The following CDH18 variants were observed in gnomAD, a reference collection of about 807,000 sequenced individuals.
CDH18 encodes cadherin-18.
In CDH18, 31 loss-of-function variants were observed where a neutral mutation model predicts 67.9. The observed-to-expected ratio is 0.46, with a 90% CI of 0.34 to 0.62. The LOEUF is 0.62. Among genes scored for constraint, CDH18 ranks in the 20% least tolerant of loss-of-function variants. CDH18 has a pLI of 0.01. For missense variants in CDH18, 890 were observed against 975.5 expected, an observed-to-expected ratio of 0.91 and a Z score of 1.17; for synonymous variants, 362 against 347.2, an observed-to-expected ratio of 1.04 and a Z score of -0.48.
chr5:19,976,639 G>T (rs567520737), intron 2 of CDH18, among the ~76,000 whole-genome samples: 2 of 152,204 alleles, frequency 1.3e-5, no homozygotes, highest in East Asian at 1.9e-4. Flanking sequence ...GGAGGGGATT[G>T]GGAGGATTAG....
intron 7 of CDH18, among the ~76,000 whole-genome samples, chr5:19,589,508 C>T (rs929379192): frequency 1.3e-5 from 2 of 152,052 alleles, no homozygotes; most frequent in Admixed American, 6.6e-5. Flanking sequence ...TATCCACATC[C>T]TCATCCATTA....
At chr5:19,683,342 C>T (rs938283945) in intron 5 of CDH18, among the ~76,000 whole-genome samples, 1 of 152,036 alleles carries the variant, frequency 6.6e-6, no homozygotes, top group East Asian at 1.9e-4. Context: ...GTTTCTTAGA[C>T]AGTTGATTAC....
chr5:19,927,156 T>C (rs1290176950), intron 2 of CDH18, among the ~76,000 whole-genome samples: 1 of 152,144 alleles, frequency 6.6e-6, no homozygotes, highest in African/African-American at 2.4e-5. Flanking sequence ...ATATAGTCAA[T>C]AACTTTGAAG....
intron 3 of CDH18, among the ~76,000 whole-genome samples, chr5:19,753,852 C>G (rs1010337982): frequency 1.3e-5 from 2 of 152,008 alleles, no homozygotes; most frequent in Admixed American, 6.6e-5. Flanking sequence ...CAACTATCAG[C>G]CAAGAATTTT....
rs1430658111 is a variant in CDH18, at chr5:19,471,722, T to C, written c.*1504A>G. ...ACCCAAATTCTCAGAAATTAGCTTA[T>C]GAAAATATTAAAATAATTGGAATTG... On this transcript the variant is annotated 3_prime_UTR_variant, in exon 13 of 13. Transcript: ENST00000382275. 6.6e-6 allele frequency among the ~76,000 whole-genome samples: 1 copy of C among 152,134 alleles called. No individual in the cohort carries two copies. Among genetic ancestry groups the C allele is most frequent in the Admixed American group, 6.6e-5 (1 of 15,254 alleles).
intron 3 of CDH18, among the ~76,000 whole-genome samples, chr5:19,768,549 T>C (rs948718099): frequency 6.6e-6 from 1 of 152,140 alleles, no homozygotes; most frequent in East Asian, 1.9e-4. Flanking sequence ...GTTGAAGGTA[T>C]ACCTCAACAT....
At chr5:19,593,761 T>TCTTCTCCTTC (rs1745714810) in intron 6 of CDH18, among the ~76,000 whole-genome samples, 1 of 148,096 alleles carries the variant, frequency 6.8e-6, no homozygotes, top group African/African-American at 2.5e-5. Context: ...TTCTTCTTCT[T>TCTTCTCCTTC]TCCTTTTATT....
At chr5:20,242,629 T>A (rs1289957065) in intron 2 of CDH18, among the ~76,000 whole-genome samples, 1 of 120,852 alleles carries the variant, frequency 8.3e-6, no homozygotes, top group Non-Finnish European at 1.6e-5. Context: ...TATATATATA[T>A]ATATGTATAT....
At chr5:19,745,709 T>C (rs1769902358) in intron 4 of CDH18, among the ~76,000 whole-genome samples, 1 of 152,114 alleles carries the variant, frequency 6.6e-6, no homozygotes, top group Non-Finnish European at 1.5e-5. Flanking sequence ...GGCTGGTTCC[T>C]GTGTTCTGCT....
intron 5 of CDH18, among the ~76,000 whole-genome samples, chr5:19,641,745 C>A (rs530156716): frequency 1.2e-3 from 180 of 151,964 alleles, no homozygotes; most frequent in Non-Finnish European, 2.3e-3. Context: ...AAATTGAAAT[C>A]TTTCTAAGAT....
intron 5 of CDH18, among the ~76,000 whole-genome samples, chr5:19,668,131 C>A (rs1441140327): frequency 1.3e-5 from 2 of 152,110 alleles, no homozygotes; most frequent in Admixed American, 6.6e-5. Flanking sequence ...TGAGATGGGA[C>A]AAATCTGAAA....
chr5:19,703,545 A>C (rs185125618), intron 5 of CDH18, among the ~76,000 whole-genome samples: 2 of 152,042 alleles, frequency 1.3e-5, no homozygotes, highest in African/African-American at 2.4e-5. Flanking sequence ...GGGTGGCCTG[A>C]CCCTCCAGAT....
chr5:20,307,762 T>C (rs2149982289), intron 1 of CDH18, among the ~76,000 whole-genome samples: 1 of 137,268 alleles, frequency 7.3e-6, no homozygotes, highest in African/African-American at 3.6e-5. Flanking sequence ...TATTGTGTGA[T>C]TATTATTAAA....
intron 1 of CDH18, among the ~76,000 whole-genome samples, chr5:20,358,893 G>A (rs1420541761): frequency 6.6e-6 from 1 of 150,554 alleles, no homozygotes; most frequent in Admixed American, 6.6e-5. Context: ...TTTTAAGCCT[G>A]ATGTTGGATT....
chr5:20,034,958 G>T (rs189111943), intron 2 of CDH18, among the ~76,000 whole-genome samples: 12 of 152,106 alleles, frequency 7.9e-5, no homozygotes, highest in South Asian at 4.1e-4. Flanking sequence ...AGCATGTAAG[G>T]TTGACTTGCA....
chr5:20,465,109 T>C (rs184752072), intron 1 of CDH18, among the ~76,000 whole-genome samples: 2 of 152,234 alleles, frequency 1.3e-5, no homozygotes, highest in Admixed American at 6.5e-5. Flanking sequence ...GCAGAGGCAC[T>C]GAGCACAACT....
At position 20,148,287 on chromosome 5, in the gene CDH18, C is replaced by T. The variant is rs151329314; in HGVS notation, c.-518+107157G>A. Reference sequence around the variant, plus strand: ...TTTTTATTTTTATTTTTAATAGAGACAGGGTTTCACTGTGTTAGCCAGGAT... The same window carrying T: ...TTTTTATTTTTATTTTTAATAGAGATAGGGTTTCACTGTGTTAGCCAGGAT... On this transcript the variant is annotated intron_variant, in intron 2 of 14. Transcript: ENST00000507958. Among the ~76,000 whole-genome samples the T allele has an allele frequency of 9.3e-3, 1,408 of 151,506 alleles. 13 individuals are homozygous for T. The highest frequency in any genetic ancestry group is 0.02 in the Middle Eastern group (6 of 294).
At chr5:19,516,898 T>C (rs1167470204) in intron 10 of CDH18, among the ~76,000 whole-genome samples, 2 of 152,122 alleles carry the variant, frequency 1.3e-5, no homozygotes, top group African/African-American at 4.8e-5. Context: ...GATGTCTTTG[T>C]TGGTTCCAGT....
At chr5:19,598,171 T>A (rs1746474227) in intron 6 of CDH18, among the ~76,000 whole-genome samples, 1 of 152,184 alleles carries the variant, frequency 6.6e-6, no homozygotes. Context: ...TATCTCAGTT[T>A]CATTACAGAC....
Sources: allele counts gnomAD v4.1 joint callset (sites outside exome capture counted in the v4.1 genomes callset), GRCh38; gene constraint gnomAD v4.1.1; transcripts MANE v1.5; gene names NCBI Gene and HGNC (gene_info 2026-07-23, HGNC 2026-07-21).